The following TLK1 variants were observed in gnomAD, a reference collection of about 807,000 sequenced individuals.
TLK1 encodes the protein tousled like kinase 1.
TLK1 carries 24 observed loss-of-function variants against 105.3 expected under a neutral mutation model. The ratio of observed to expected loss-of-function variants is 0.23; its 90% confidence interval spans 0.17 to 0.32. The LOEUF is 0.32. Ranked by LOEUF, TLK1 falls within the 10% of genes least tolerant of loss-of-function variation. The pLI is 1.00. For synonymous variants in TLK1, 321 were observed against 310.4 expected, an observed-to-expected ratio of 1.03 and a Z score of -0.36; for missense variants, 558 against 910.5, an observed-to-expected ratio of 0.61 and a Z score of 4.98.
intron 2 of TLK1, among the ~76,000 whole-genome samples, chr2:171,099,283 T>G (rs1004207675): frequency 3.3e-5 from 5 of 151,994 alleles, no homozygotes; most frequent in Non-Finnish European, 7.4e-5. Flanking sequence ...AATAAAATAC[T>G]TAGGAATAAA....
At chr2:171,018,566 T>TC (rs1559345349) in intron 12 of TLK1, among the ~76,000 whole-genome samples, 1 of 152,170 alleles carries the variant, frequency 6.6e-6, no homozygotes, top group Non-Finnish European at 1.5e-5. Context: ...TCAGAAATAA[T>TC]CTTTTTCCAA....
At chr2:171,068,147 C>T (rs919247895) in intron 3 of TLK1, among the ~76,000 whole-genome samples, 4 of 151,732 alleles carry the variant, frequency 2.6e-5, no homozygotes, top group South Asian at 2.1e-4. Flanking sequence ...GCCAACATGG[C>T]GAAACCCCAC....
intron 3 of TLK1, among the ~76,000 whole-genome samples, chr2:171,075,364 T>C (rs945275922): frequency 6.6e-6 from 1 of 152,156 alleles, no homozygotes; most frequent in Non-Finnish European, 1.5e-5. Context: ...TACACAGTAA[T>C]TTAAGGTCAG....
intron 18 of TLK1, among the ~76,000 whole-genome samples, chr2:171,000,330 G>C (rs1001596833): frequency 7.4e-6 from 1 of 134,822 alleles, no homozygotes; most frequent in Admixed American, 8.6e-5. Context: ...AGTGAACCAA[G>C]ACTGTGCCAT....
chr2:171,093,606 T>C (rs1689331995), intron 2 of TLK1, among the ~76,000 whole-genome samples: 1 of 151,620 alleles, frequency 6.6e-6, no homozygotes, highest in Non-Finnish European at 1.5e-5. Flanking sequence ...AAGGTAGGAA[T>C]CCGAAAAATG....
rs1683802141 is a variant in TLK1, at chr2:170,991,929, C to G, written c.*1851G>C. ...TTTTTTAATAGGATTTCTCTGTGCT[C>G]TACAGAGGAATGGGTATAGCCAGCC... On this transcript the variant is annotated 3_prime_UTR_variant, in exon 21 of 21. Transcript: ENST00000431350. The G allele has an allele frequency of 6.6e-6, 1 of 151,874 alleles. No homozygotes were observed. The highest frequency in any genetic ancestry group is 2.4e-5 in the African/African-American group (1 of 41,338). 9.4% of individuals were successfully genotyped at this position (151,874 alleles called of 1,614,324 possible).
chr2:171,078,903 C>T (rs1225742708), intron 3 of TLK1, among the ~76,000 whole-genome samples: 1 of 152,174 alleles, frequency 6.6e-6, no homozygotes, highest in Non-Finnish European at 1.5e-5. Flanking sequence ...AGCCTTTCAC[C>T]TCTACTTTGT....
At chr2:171,204,649 ACG>A in intron 1 of TLK1, among the ~76,000 whole-genome samples, 1 of 152,110 alleles carries the variant, frequency 6.6e-6, no homozygotes, top group Non-Finnish European at 1.5e-5. Context: ...GGAAAAATCT[ACG>A]TATTTTATAT....
chr2:171,219,417 T>C (rs1001001894), intron 1 of TLK1, among the ~76,000 whole-genome samples: 18 of 152,290 alleles, frequency 1.2e-4, no homozygotes, highest in Non-Finnish European at 2.2e-4. Context: ...CAAAATACCA[T>C]AGGCTGGGTG....
chr2:171,131,517 GCAAA>G (rs1293733408), intron 1 of TLK1, among the ~76,000 whole-genome samples: 3 of 152,074 alleles, frequency 2.0e-5, no homozygotes, highest in East Asian at 1.9e-4. Context: ...TAGTTTTCCA[GCAAA>G]CAGTCACTTA....
chr2:171,211,479 G>T (rs218316), intron 1 of TLK1, among the ~76,000 whole-genome samples: 152,314 of 152,314 alleles, frequency 1, 76,157 homozygotes, highest in Non-Finnish European at 1. Context: ...ATACAAAAGT[G>T]TAATTGTTCA....
chr2:171,062,222 C>T (rs1319880464), intron 3 of TLK1, among the ~76,000 whole-genome samples: 2 of 152,118 alleles, frequency 1.3e-5, no homozygotes, highest in Non-Finnish European at 2.9e-5. Flanking sequence ...ACCTCTGGTG[C>T]CAGAAAAATT....
intron 2 of TLK1, among the ~76,000 whole-genome samples, chr2:171,092,409 C>T (rs982927709): frequency 3.3e-5 from 5 of 152,158 alleles, no homozygotes; most frequent in Non-Finnish European, 5.9e-5. Context: ...TGGTTACCAT[C>T]CACATTCTTA....
At chr2:171,002,134 G>A (rs992635260) in intron 18 of TLK1, among the ~76,000 whole-genome samples, 1 of 152,022 alleles carries the variant, frequency 6.6e-6, no homozygotes, top group African/African-American at 2.4e-5. Context: ...TGCTTCTCCT[G>A]TTATCTTGAC....
chr2:171,122,780 T>C (rs1690705747), intron 1 of TLK1, among the ~76,000 whole-genome samples: 1 of 152,108 alleles, frequency 6.6e-6, no homozygotes. Flanking sequence ...GGCTCACATC[T>C]ATAATCCCAG....
chr2:170,997,803 A>C lies in TLK1; in HGVS notation c.1925T>G (p.Phe642Cys). The C allele has an allele frequency of 6.2e-7, 1 of 1,610,618 alleles. No homozygotes were observed. The highest frequency in any genetic ancestry group is 8.5e-7 in the Non-Finnish European group (1 of 1,177,926). Residue 642 changes from phenylalanine to cysteine, a missense_variant, in exon 19 of 21, where the codon TTT (phenylalanine) becomes TGT (cysteine). This residue lies in a region of TLK1 where 218 missense variants were observed against 492.9 expected (regional missense o/e 0.44). Coordinates refer to ENST00000431350, the MANE Select transcript of TLK1 (RefSeq NM_012290.5). ...CTTTGGTGGCTCTTTTCCAACTACA[A>C]AACACTCAGGAGGTAAATACCTGTA... ...GTYWYLPPEC[F>C]VVGKEPPKIS...
At position 170,997,843 on chromosome 2, in the gene TLK1, GA is replaced by G; in HGVS notation, c.1905-21del. 6 of 1,468,414 alleles carry G rather than the reference GA, an allele frequency of 4.1e-6. No individual in the cohort carries two copies. Among genetic ancestry groups the G allele is most frequent in the South Asian group, 1.3e-5 (1 of 77,542 alleles). The allele number at this position is 1,468,414 out of a possible 1,614,324, so 91.0% of individuals were successfully genotyped here. Reference sequence around the variant, plus strand: ...AAATACCTGTAAGTTTTGTGGGAGAGAAAAAAGGTTACTACTGACAATCTGT... The same window carrying G: ...AAATACCTGTAAGTTTTGTGGGAGAGAAAAAGGTTACTACTGACAATCTGT... On this transcript the variant is annotated intron_variant, in intron 18 of 20. Transcript: ENST00000431350.
chr2:171,047,961 T>C (rs1299733421), intron 10 of TLK1, among the ~76,000 whole-genome samples: 1 of 152,242 alleles, frequency 6.6e-6, no homozygotes, highest in Non-Finnish European at 1.5e-5. Flanking sequence ...TTTGACATTA[T>C]TTTTTGAGAC....
chr2:171,040,771 C>T (rs913910909), intron 11 of TLK1, among the ~76,000 whole-genome samples: 14 of 151,784 alleles, frequency 9.2e-5, no homozygotes, highest in Admixed American at 9.2e-4. Context: ...AACATGGGGT[C>T]CTGCTATGTT....
Sources: gnomAD v4.1 joint callset for allele counts (sites outside exome capture counted in the v4.1 genomes callset) on GRCh38, gnomAD v4.1.1 for gene constraint, gnomAD v4.1.1 regional missense constraint, MANE v1.5 for transcripts, NCBI Gene and HGNC (gene_info 2026-07-23, HGNC 2026-07-21) for gene names.